Variants in RAB42 observed in about 807,000 individuals in gnomAD.
The protein encoded by RAB42 is ras-related protein Rab-42.
A neutral mutation model predicts 7.5 loss-of-function variants in RAB42; 4 were observed. That is an observed-to-expected ratio of 0.53 (90% CI 0.26 to 1.22). The LOEUF (loss-of-function observed/expected upper bound fraction) is 1.22. Among genes scored for constraint, RAB42 ranks in the 50% most tolerant of loss-of-function variants. RAB42 has a pLI of 0.13. For synonymous variants in RAB42, 82 were observed against 129.0 expected (o/e 0.64, Z 2.47); for missense variants, 208 against 281.2 (o/e 0.74, Z 1.86).
In RAB42 at chr1:28,595,066, T is replaced by C. The variant is rs1269525787; in HGVS notation, c.*949T>C. 1 of 167,096 alleles carries C rather than the reference T, an allele frequency of 6.0e-6. No homozygotes were observed. The allele number at this position is 167,096 out of a possible 1,614,324, so 10.4% of individuals were successfully genotyped here. On this transcript the variant is annotated 3_prime_UTR_variant, in exon 2 of 2. Transcript: ENST00000465518. ...GATGAACATGAATGTGTAGCAACTATGTTGGGCACACAGTGGCCACTGTGA... is the reference window on the plus strand; with the variant it reads ...GATGAACATGAATGTGTAGCAACTACGTTGGGCACACAGTGGCCACTGTGA...
At position 28,592,680 on chromosome 1, in the gene RAB42, C is replaced by G. The variant is rs1178095143; in HGVS notation, c.169C>G (p.Gln57Glu). ...VGAECYRRAL[Q>E]LRAGPRVKLQ... ...CGCCGAGTGCTACCGCCGCGCGCTGCAGCTGCGGGCCGGGCCGCGGGTCAA... is the reference window on the plus strand; with the variant it reads ...CGCCGAGTGCTACCGCCGCGCGCTGGAGCTGCGGGCCGGGCCGCGGGTCAA... The change falls in exon 1 of 2, where the codon CAG (glutamine) becomes GAG (glutamate). Residue 57 changes from glutamine (Q) to glutamate (E), a missense_variant. Gln to Glu is a conservative substitution (Grantham distance 29). Coordinates refer to ENST00000465518, the MANE Select transcript of RAB42 (RefSeq NM_001193532.3). The surrounding 1 kb of genome is among the most constrained non-coding windows in gnomAD (Gnocchi z 4.1). 4 of 1,229,202 alleles carry G rather than the reference C, an allele frequency of 3.3e-6. No individual in the cohort carries two copies. Among genetic ancestry groups the G allele is most frequent in the East Asian group, 6.3e-5 (2 of 31,542 alleles). The allele number at this position is 1,229,202 out of a possible 1,614,324, so 76.1% of individuals were successfully genotyped here.
intron 1 of RAB42, among the ~76,000 whole-genome samples, chr1:28,593,018 T>G (rs1666354092): frequency 6.6e-6 from 1 of 151,824 alleles, no homozygotes; most frequent in African/African-American, 2.4e-5. Context: ...TGGCCCCGGG[T>G]GCTGAGAGCT....
downstream of RAB42, among the ~76,000 whole-genome samples, chr1:28,596,193 A>G (rs1467328841): frequency 1.3e-5 from 2 of 151,928 alleles, no homozygotes; most frequent in African/African-American, 4.8e-5. Flanking sequence ...AATATCCATT[A>G]CCTCAGACAT....
In RAB42 at chr1:28,592,465, G is replaced by A. The variant is rs1217590275; in HGVS notation, c.-47G>A. 7 of 1,043,982 alleles carry A rather than the reference G, an allele frequency of 6.7e-6. No individual in the cohort carries two copies. The highest frequency in any genetic ancestry group is 8.4e-6 in the Non-Finnish European group (7 of 833,390). 64.7% of individuals were successfully genotyped at this position (1,043,982 alleles called of 1,614,324 possible). ...GGGGCCCCGGGCAGGGGCGGGGTCG[G>A]GGCGCGGACAAAACCGCCGCGGGGC... On this transcript the variant is annotated 5_prime_UTR_variant, in exon 1 of 2. Coordinates refer to ENST00000465518, the MANE Select transcript of RAB42 (RefSeq NM_001193532.3). The surrounding 1 kb of genome is among the most constrained non-coding windows in gnomAD (Gnocchi z 4.1).
chr1:28,596,366 A>G (rs765804544), downstream of RAB42, among the ~76,000 whole-genome samples: 64 of 152,218 alleles, frequency 4.2e-4, no homozygotes, highest in Non-Finnish European at 8.4e-4. Context: ...TCACGCCTGT[A>G]ATCCCAGCAC....
rs1417864926 is a variant in RAB42, at chr1:28,592,486, G to A, written c.-26G>A. ...GTCGGGGCGCGGACAAAACCGCCGC[G>A]GGGCGGCGGGGTGGCGGACGCGGCC... On this transcript the variant is annotated 5_prime_UTR_variant, in exon 1 of 2. Coordinates refer to ENST00000465518, the MANE Select transcript of RAB42 (RefSeq NM_001193532.3). The surrounding 1 kb of genome is among the most constrained non-coding windows in gnomAD (Gnocchi z 4.1). 1.6e-5 allele frequency: 19 copies of A among 1,160,122 alleles called. No individual in the cohort carries two copies. In the East Asian group the frequency reaches 5.8e-4, roughly 35 times the overall value. The allele number at this position is 1,160,122 out of a possible 1,614,324, so 71.9% of individuals were successfully genotyped here.
In RAB42 at chr1:28,594,442, G is replaced by C. The variant is rs1445067779; in HGVS notation, c.*325G>C. 4.3e-6 allele frequency: 1 copy of C among 230,286 alleles called. No individual in the cohort carries two copies. Among genetic ancestry groups the C allele is most frequent in the Non-Finnish European group, 8.7e-6 (1 of 114,624 alleles). The allele number at this position is 230,286 out of a possible 1,614,324, so 14.3% of individuals were successfully genotyped here. ...ATACAAAAATTAGCCAGGCGTGGTGGTGCATGCCTGTAATCCCAGTTACTC... is the reference window on the plus strand; with the variant it reads ...ATACAAAAATTAGCCAGGCGTGGTGCTGCATGCCTGTAATCCCAGTTACTC... On this transcript the variant is annotated 3_prime_UTR_variant, in exon 2 of 2. Coordinates refer to ENST00000465518, the MANE Select transcript of RAB42 (RefSeq NM_001193532.3).
In RAB42 at chr1:28,592,538, A is replaced by G. The variant is rs1666337578; in HGVS notation, c.27A>G (p.Gln9=). 2 of 1,212,948 alleles carry G rather than the reference A, an allele frequency of 1.6e-6. No individual in the cohort carries two copies. The highest frequency in any genetic ancestry group is 2.0e-6 in the Non-Finnish European group (2 of 975,972). The allele number at this position is 1,212,948 out of a possible 1,614,324, so 75.1% of individuals were successfully genotyped here. A position where few individuals can be genotyped will look rare whatever the true frequency, so the allele number is the denominator to read the frequency against. Residue 9 remains glutamine (Q), a synonymous_variant, in exon 1 of 2, where the codon CAA becomes CAG. Coordinates refer to ENST00000465518, the MANE Select transcript of RAB42 (RefSeq NM_001193532.3). The surrounding 1 kb of genome is among the most constrained non-coding windows in gnomAD (Gnocchi z 4.1). ...TGGAGGCCGAGGGCTGCCGCTACCA[A>G]TTTCGGGTCGCGCTGCTGGGGGACG... is the stretch of plus-strand genomic sequence containing the variant. MEAEGCRY[Q]FRVALLGDAA...
chr1:28,592,789 G>A lies in RAB42; in HGVS notation c.233+45G>A, dbSNP rs1666347956. On this transcript the variant is annotated intron_variant, in intron 1 of 1. Coordinates refer to ENST00000465518, the MANE Select transcript of RAB42 (RefSeq NM_001193532.3). This position sits in a 1 kb window ranked among gnomAD's most constrained non-coding sequence, Gnocchi z 4.1. ...GGGAGGGACTTCTGGTGGGGGGCTC[G>A]GTGAGCGTGCTTTAGGCCACGGCAA... 2 of 1,006,220 alleles carry A rather than the reference G, an allele frequency of 2.0e-6. No homozygotes were observed. The highest frequency in any genetic ancestry group is 1.7e-5 in the African/African-American group (1 of 59,936). The allele number at this position is 1,006,220 out of a possible 1,614,324, so 62.3% of individuals were successfully genotyped here.
downstream of RAB42, among the ~76,000 whole-genome samples, chr1:28,596,119 G>A (rs1666429502): frequency 6.6e-6 from 1 of 151,210 alleles, no homozygotes; most frequent in African/African-American, 2.4e-5. Context: ...TGTGCACTTG[G>A]TCCTGCCTCT....
At position 28,592,799 on chromosome 1, in the gene RAB42, C is replaced by A; in HGVS notation, c.233+55C>A. ...TCTGGTGGGGGGCTCGGTGAGCGTG[C>A]TTTAGGCCACGGCAACTCCCGAGAG... On this transcript the variant is annotated intron_variant, in intron 1 of 1. Coordinates refer to ENST00000465518, the MANE Select transcript of RAB42 (RefSeq NM_001193532.3). The surrounding 1 kb of genome is among the most constrained non-coding windows in gnomAD (Gnocchi z 4.1). 1.1e-6 allele frequency: 1 copy of A among 907,518 alleles called. No homozygotes were observed. Among genetic ancestry groups the A allele is most frequent in the Non-Finnish European group, 1.4e-6 (1 of 692,876 alleles). 56.2% of individuals were successfully genotyped at this position (907,518 alleles called of 1,614,324 possible).
At chr1:28,593,564 C>T in intron 1 of RAB42, 130 bp from the exon 2 acceptor site, 1 of 1,025,202 alleles carries the variant, frequency 9.8e-7, no homozygotes, top group Non-Finnish European at 1.4e-6. Context: ...AACCACGGGG[C>T]CGTGTGAAGT....
chr1:28,592,618 C>T lies in RAB42; in HGVS notation c.107C>T (p.Ala36Val). The change falls in exon 1 of 2, where the codon GCC becomes GTC. Residue 36 changes from alanine to valine, a missense_variant. Transcript: ENST00000465518. This position sits in a 1 kb window ranked among gnomAD's most constrained non-coding sequence, Gnocchi z 4.1. ...AGCTACGTGGCAGGCGCGCCTGGCGCCCCGGAGCCGGAGCCCGAGCCCGAG... is the reference window on the plus strand; with the variant it reads ...AGCTACGTGGCAGGCGCGCCTGGCGTCCCGGAGCCGGAGCCCGAGCCCGAG... ...LRSYVAGAPGAPEPEPEPEPT... is the reference protein window; with the variant it reads ...LRSYVAGAPGVPEPEPEPEPT... 2 of 1,222,428 alleles carry T rather than the reference C, an allele frequency of 1.6e-6. No homozygotes were observed. The highest frequency in any genetic ancestry group is 1.0e-6 in the Non-Finnish European group (1 of 981,844). The allele number at this position is 1,222,428 out of a possible 1,614,324, so 75.7% of individuals were successfully genotyped here. A position where few individuals can be genotyped will look rare whatever the true frequency, so the allele number is the denominator to read the frequency against.
At position 28,593,857 on chromosome 1, in the gene RAB42, C is replaced by T. The variant is rs776822894; in HGVS notation, c.397C>T (p.Leu133=). ...IFLLVGHKSD[L]QSTRCVSAQE... ...CCTGCTGGTTGGCCACAAGAGTGACCTGCAGAGCACCCGCTGTGTCTCAGC... is the reference window on the plus strand; with the variant it reads ...CCTGCTGGTTGGCCACAAGAGTGACTTGCAGAGCACCCGCTGTGTCTCAGC... Residue 133 remains leucine (L), a synonymous_variant, in exon 2 of 2, where the codon CTG becomes TTG. Transcript: ENST00000465518. 3 of 1,594,624 alleles carry T rather than the reference C, an allele frequency of 1.9e-6. No homozygotes were observed. The Admixed American group carries it at 5.3e-5, about 28-fold the overall frequency.
At position 28,593,865 on chromosome 1, in the gene RAB42, C is replaced by T. The variant is rs1396280242; in HGVS notation, c.405C>T (p.Ser135=). Residue 135 remains serine, a synonymous_variant, in exon 2 of 2, where the codon AGC becomes AGT. Transcript: ENST00000465518. Reference sequence around the variant, plus strand: ...TTGGCCACAAGAGTGACCTGCAGAGCACCCGCTGTGTCTCAGCCCAGGAGG... The same window carrying T: ...TTGGCCACAAGAGTGACCTGCAGAGTACCCGCTGTGTCTCAGCCCAGGAGG... ...LLVGHKSDLQ[S]TRCVSAQEAE... is the part of the protein sequence containing the mutation. 1.3e-6 allele frequency: 2 copies of T among 1,598,424 alleles called. No homozygotes were observed. Among genetic ancestry groups the T allele is most frequent in the Non-Finnish European group, 1.7e-6 (2 of 1,172,906 alleles).
chr1:28,593,183 C>G (rs1666356843), intron 1 of RAB42, among the ~76,000 whole-genome samples: 2 of 151,994 alleles, frequency 1.3e-5, no homozygotes, highest in Non-Finnish European at 2.9e-5. Flanking sequence ...TGCTCCCTAA[C>G]TGGAGCACCC....
Position 28,592,369 on chromosome 1 carries a change from A to G in RAB42, c.-143A>G, listed in dbSNP as rs1221800180. 2 of 237,566 alleles carry G rather than the reference A, an allele frequency of 8.4e-6. No homozygotes were observed. The highest frequency in any genetic ancestry group is 1.5e-5 in the Non-Finnish European group (2 of 130,722). The allele number at this position is 237,566 out of a possible 1,614,324, so 14.7% of individuals were successfully genotyped here. A position where few individuals can be genotyped will look rare whatever the true frequency, so the allele number is the denominator to read the frequency against. On this transcript the variant is annotated 5_prime_UTR_variant, in exon 1 of 2. Transcript: ENST00000465518. The surrounding 1 kb of genome is among the most constrained non-coding windows in gnomAD (Gnocchi z 4.1). The stretch of plus-strand genomic sequence containing the variant: ...GAGAGAAACTTGGCCAGGAGTTTCC[A>G]CTCGGTCCGACGCCCTCGGTGCCCC...
rs1557449351 is a variant in RAB42 at position 28,592,619 on chromosome 1, C to CCCGGAG, written c.117_122dup (p.Glu44_Pro45dup). The CCCGGAG allele has an allele frequency of 6.5e-6, 8 of 1,222,478 alleles. No homozygotes were observed. Among genetic ancestry groups the CCCGGAG allele is most frequent in the South Asian group, 4.1e-5 (1 of 24,266 alleles). 75.7% of individuals were successfully genotyped at this position (1,222,478 alleles called of 1,614,324 possible). ...GCTACGTGGCAGGCGCGCCTGGCGC[C>CCCGGAG]CCGGAGCCGGAGCCCGAGCCCGAGC... On this transcript the variant is annotated inframe_insertion, in exon 1 of 2. Coordinates refer to ENST00000465518, the MANE Select transcript of RAB42 (RefSeq NM_001193532.3). The surrounding 1 kb of genome is among the most constrained non-coding windows in gnomAD (Gnocchi z 4.1).
At chr1:28,596,481 A>T (rs1666435006), downstream of RAB42, among the ~76,000 whole-genome samples, 1 of 152,026 alleles carries the variant, frequency 6.6e-6, no homozygotes, top group Admixed American at 6.6e-5. Flanking sequence ...AATTAGCTGG[A>T]CATGGTGGCA....
Sources: allele counts gnomAD v4.1 joint callset (sites outside exome capture counted in the v4.1 genomes callset), GRCh38; gene constraint gnomAD v4.1.1; non-coding constraint Gnocchi (gnomAD v3.1); transcripts MANE v1.5; gene names NCBI Gene and HGNC (gene_info 2026-07-23, HGNC 2026-07-21).